ACSM1: variants seen among roughly 807,000 people sequenced by gnomAD.
ACSM1 encodes acyl-CoA synthetase medium chain family member 1.
In ACSM1, 79 loss-of-function variants were observed where a neutral mutation model predicts 75.8. The ratio of observed to expected loss-of-function variants is 1.04; its 90% confidence interval spans 0.87 to 1.26. ACSM1 has a LOEUF of 1.26. Among genes scored for constraint, ACSM1 ranks in the 50% most tolerant of loss-of-function variants. ACSM1 has a pLI of 0.00. For synonymous variants in ACSM1, 279 were observed against 265.8 expected (o/e 1.05, Z -0.48); for missense variants, 676 against 720.1 (o/e 0.94, Z 0.70).
chr16:20,680,367 G>A (rs1489734196), intron 4 of ACSM1: 1 of 152,158 alleles, frequency 6.6e-6, no homozygotes, highest in Non-Finnish European at 1.5e-5. Context: ...ATTTGGATAA[G>A]CCAGTGCCTG....
intron 7 of ACSM1, among the ~76,000 whole-genome samples, chr16:20,644,337 G>A (rs577866201): frequency 6.6e-6 from 1 of 152,208 alleles, no homozygotes; most frequent in Non-Finnish European, 1.5e-5. Context: ...CAAAAGCGTA[G>A]CTTACTAACT....
intron 1 of ACSM1, among the ~76,000 whole-genome samples, chr16:20,696,915 T>C (rs1398390236): frequency 2.0e-5 from 3 of 152,218 alleles, no homozygotes; most frequent in African/African-American, 4.8e-5. Context: ...GTGCTGTTCA[T>C]GTCTCTGAAC....
At chr16:20,644,580 T>C (rs376773093) in intron 7 of ACSM1, among the ~76,000 whole-genome samples, 10 of 135,168 alleles carry the variant, frequency 7.4e-5, no homozygotes, top group Non-Finnish European at 9.9e-5. Context: ...CACACACACA[T>C]AATGGGTATT....
intron 1 of ACSM1, among the ~76,000 whole-genome samples, chr16:20,695,680 C>A (rs1348565834): frequency 6.6e-6 from 1 of 150,910 alleles, no homozygotes; most frequent in Non-Finnish European, 1.5e-5. Flanking sequence ...ATCTATCTAT[C>A]ATCTATCTAT....
chr16:20,658,887 C>T (rs1003430643), intron 7 of ACSM1, among the ~76,000 whole-genome samples: 1 of 152,112 alleles, frequency 6.6e-6, no homozygotes, highest in South Asian at 2.1e-4. Flanking sequence ...GTTGAAATAA[C>T]CCTTAATAAG....
chr16:20,681,575 G>A (rs929465048), intron 4 of ACSM1: 2 of 152,190 alleles, frequency 1.3e-5, no homozygotes, highest in African/African-American at 2.4e-5. Context: ...TATAGAGGCA[G>A]TAATAACTCA....
intron 4 of ACSM1, among the ~76,000 whole-genome samples, chr16:20,677,900 G>T (rs2079340259): frequency 6.6e-6 from 1 of 152,024 alleles, no homozygotes; most frequent in African/African-American, 2.4e-5. Context: ...TGAAAGTAAA[G>T]AAATAAAGTA....
chr16:20,668,185 G>C (rs2019678962), intron 6 of ACSM1, among the ~76,000 whole-genome samples: 1 of 152,096 alleles, frequency 6.6e-6, no homozygotes, highest in African/African-American at 2.4e-5. Flanking sequence ...TTTTGTTTTA[G>C]TCTTCAATAA....
chr16:20,654,888 C>G (rs2152244394), intron 7 of ACSM1, among the ~76,000 whole-genome samples: 1 of 152,180 alleles, frequency 6.6e-6, no homozygotes, highest in African/African-American at 2.4e-5. Context: ...CCCAGCAATC[C>G]CATTACTGGG....
intron 5 of ACSM1, 141 bp downstream of exon 5, chr16:20,671,390 G>T: frequency 1.2e-6 from 1 of 855,684 alleles, no homozygotes; most frequent in Non-Finnish European, 1.6e-6. Context: ...AAAAGAGAGT[G>T]GAAGGGAAAA....
At chr16:20,674,328 A>G (rs1222294517) in intron 4 of ACSM1, among the ~76,000 whole-genome samples, 1 of 152,212 alleles carries the variant, frequency 6.6e-6, no homozygotes, top group Non-Finnish European at 1.5e-5. Flanking sequence ...AGATAAACCC[A>G]AGTTGCAAAA....
At position 20,624,199 on chromosome 16, in the gene ACSM1, A is replaced by G. The variant is rs16970453; in HGVS notation, c.1544T>C (p.Ile515Thr). The G allele has an allele frequency of 1.3e-3, 2,159 of 1,611,172 alleles. 30 individuals are homozygous for G. The African/African-American group carries it at 0.026, about 20-fold the overall frequency. The part of the protein sequence containing the change: ...PIRGEVVKAF[I>T]VLTPQFLSHD... ...GGACAGGAACTGTGGGGTCAGGACA[A>G]TAAAGGCCTTCACCACCTGCAGAAT... The change falls in exon 13 of 14, where the codon ATT (isoleucine) becomes ACT (threonine). Residue 515 changes from isoleucine to threonine, a missense_variant. Physicochemically the swap from Ile to Thr is moderately conservative, Grantham distance 89 (BLOSUM62 -1). Coordinates refer to ENST00000520010, the MANE Select transcript of ACSM1 (RefSeq NM_001318890.3).
At chr16:20,631,412 T>C (rs1223600017) in intron 10 of ACSM1, among the ~76,000 whole-genome samples, 1 of 152,244 alleles carries the variant, frequency 6.6e-6, no homozygotes, top group African/African-American at 2.4e-5. Flanking sequence ...ACTTTTACAC[T>C]GCTGGTGGGA....
Position 20,685,253 on chromosome 16 carries a change from C to A in ACSM1, c.343G>T (p.Ala115Ser). 6.2e-7 allele frequency: 1 copy of A among 1,614,188 alleles called. No homozygotes were observed. The highest frequency in any genetic ancestry group is 8.5e-7 in the Non-Finnish European group (1 of 1,180,028). Residue 115 changes from alanine to serine, a missense_variant, in exon 3 of 14, where the codon GCC becomes TCC. Physicochemically the swap from Ala to Ser is moderately conservative, Grantham distance 99. Transcript: ENST00000520010. The stretch of plus-strand genomic sequence containing the variant: ...TCAGGAACTCGAGGCAGCATCAAGG[C>A]CAGATGGTCTCCCTGTTGTAGGCCA... ...TCGLQQGDHL[A>S]LMLPRVPEWW...
At position 20,637,412 on chromosome 16, in the gene ACSM1, G is replaced by A; in HGVS notation, c.1156C>T (p.Pro386Ser). 1 of 1,614,078 alleles carries A rather than the reference G, an allele frequency of 6.2e-7. No individual in the cohort carries two copies. The highest frequency in any genetic ancestry group is 1.7e-5 in the Admixed American group (1 of 60,024). The change falls in exon 9 of 14, where the codon CCG becomes TCG. Residue 386 changes from proline to serine, a missense_variant. Transcript: ENST00000520010. ...CATYWGMKIK[P>S]GFMGKATPPY... ...GGAGTGGCCTTCCCCATGAAACCCG[G>A]CTTGATCTTCATTCCCCAGTAGGTG...
intron 7 of ACSM1, among the ~76,000 whole-genome samples, chr16:20,650,921 G>A (rs774530341): frequency 3.9e-5 from 6 of 152,094 alleles, no homozygotes; most frequent in Non-Finnish European, 5.9e-5. Context: ...CTTTTCTACT[G>A]AGATAAAAAC....
chr16:20,685,587 G>A (rs568933079), intron 2 of ACSM1, among the ~76,000 whole-genome samples, 184 bp from the exon 3 acceptor site: 18 of 151,974 alleles, frequency 1.2e-4, no homozygotes, highest in African/African-American at 4.3e-4. Flanking sequence ...TTTAGGAGGT[G>A]GAGGCAGGTT....
At chr16:20,686,783 G>A (rs1316492721) in intron 2 of ACSM1, among the ~76,000 whole-genome samples, 3 of 149,570 alleles carry the variant, frequency 2.0e-5, no homozygotes, top group African/African-American at 4.9e-5. Flanking sequence ...CAGCCTGGGA[G>A]ACAGAATGAG....
chr16:20,628,543 T>C (rs566820346), intron 10 of ACSM1, among the ~76,000 whole-genome samples: 2 of 152,158 alleles, frequency 1.3e-5, no homozygotes, highest in Non-Finnish European at 2.9e-5. Flanking sequence ...TATAACTGTT[T>C]GGGACTGTTT....
Sources: allele counts gnomAD v4.1 joint callset (sites outside exome capture counted in the v4.1 genomes callset), GRCh38; gene constraint gnomAD v4.1.1; transcripts MANE v1.5; gene names NCBI Gene and HGNC (gene_info 2026-07-23, HGNC 2026-07-21).